The following SCRIB variants were observed in gnomAD, a reference collection of about 807,000 sequenced individuals.
SCRIB encodes protein scribble homolog.
SCRIB carries 72 observed loss-of-function variants against 170.0 expected under a neutral mutation model. The observed-to-expected ratio is 0.42, with a 90% CI of 0.35 to 0.52. The LOEUF (loss-of-function observed/expected upper bound fraction) is 0.52, where lower values mean the gene tolerates loss of function less well. Ranked by LOEUF, SCRIB falls within the 20% of genes least tolerant of loss-of-function variation. The probability of loss-of-function intolerance (pLI) is 0.02; values close to 1 mark genes in which losing one functional copy is unlikely to be tolerated. For missense variants in SCRIB, 2,475 were observed against 2,338.5 expected, an observed-to-expected ratio of 1.06 and a Z score of -1.20; for synonymous variants, 1,298 against 1,044.3, an observed-to-expected ratio of 1.24 and a Z score of -4.68.
Position 143,792,471 on chromosome 8 carries a change from G to A in SCRIB, c.4328+14C>T, listed in dbSNP as rs1554633100. On this transcript the variant is annotated intron_variant, in intron 31 of 36. Coordinates refer to ENST00000356994, the MANE Select transcript of SCRIB (RefSeq NM_182706.5). ...GTGGGGTGAGTAGGGGGCGTCTGGT[G>A]GGCGGGTGCTCACCTTGAGGTGGGG... The A allele has an allele frequency of 6.5e-7, 1 of 1,527,440 alleles. No individual in the cohort carries two copies. Among genetic ancestry groups the A allele is most frequent in the Admixed American group, 1.9e-5 (1 of 52,036 alleles). 94.6% of individuals were successfully genotyped at this position (1,527,440 alleles called of 1,614,324 possible).
chr8:143,804,256 C>T (rs1440190520), intron 21 of SCRIB, 100 bp from the exon 22 acceptor site: 16 of 904,882 alleles, frequency 1.8e-5, no homozygotes, highest in African/African-American at 6.7e-5. Context: ...GGATGGCGGG[C>T]GGGGGCTGCC....
intron 8 of SCRIB, 90 bp from the exon 9 acceptor site, chr8:143,812,474 C>G: frequency 1.1e-6 from 1 of 950,394 alleles, no homozygotes; most frequent in Admixed American, 1.7e-5. Flanking sequence ...AGGCAGACAG[C>G]AAGGCCCCCA....
rs1563785658 is a variant in SCRIB, at chr8:143,791,622, C to G, written c.4770+44G>C. On this transcript the variant is annotated intron_variant, in intron 35 of 36. Coordinates refer to ENST00000356994, the MANE Select transcript of SCRIB (RefSeq NM_182706.5). ...GGGAGCGGATGGGGGCGGTGGCAGG[C>G]ACGGACAGGGTGGCAGGCATGCAGA... 1.9e-6 allele frequency: 3 copies of G among 1,550,190 alleles called. No individual in the cohort carries two copies. In the South Asian group the frequency reaches 3.3e-5, roughly 17 times the overall value.
At chr8:143,796,989 G>A (rs1554634214) in intron 24 of SCRIB, among the ~76,000 whole-genome samples, 1 of 152,188 alleles carries the variant, frequency 6.6e-6, no homozygotes, top group Admixed American at 6.5e-5. Flanking sequence ...CTGGCCCCCA[G>A]GAGGTCCCGA....
In SCRIB at chr8:143,793,010, G is replaced by C; in HGVS notation, c.3983C>G (p.Pro1328Arg). 6.6e-7 allele frequency: 1 copy of C among 1,516,176 alleles called. No individual in the cohort carries two copies. The allele number at this position is 1,516,176 out of a possible 1,614,324, so 93.9% of individuals were successfully genotyped here. A position where few individuals can be genotyped will look rare whatever the true frequency, so the allele number is the denominator to read the frequency against. The change falls in exon 29 of 37, where the codon CCC (proline) becomes CGC (arginine). Residue 1328 changes from proline (P) to arginine (R), a missense_variant. Physicochemically the swap from Pro to Arg is moderately radical, Grantham distance 103 (BLOSUM62 -2). Transcript: ENST00000356994. ...GGCATCCTCAGGCGGGTGAGAAGTG[G>C]GCACGGCCGCGAAGGCCCTGTAGGC... ...KQAYRAFAAV[P>R]TSHPPEDAPA...
At position 143,814,086 on chromosome 8, in the gene SCRIB, C is replaced by A. The variant is rs1815896325; in HGVS notation, c.192G>T (p.Leu64=). 5.1e-6 allele frequency: 8 copies of A among 1,554,916 alleles called. No individual in the cohort carries two copies. Among genetic ancestry groups the A allele is most frequent in the Non-Finnish European group, 7.0e-6 (8 of 1,148,780 alleles). The part of the protein sequence containing the change: ...PFFRLLNLRK[L]GLSDNEIQRL... The stretch of plus-strand genomic sequence containing the variant: ...GCTGGATCTCGTTGTCGCTCAGGCC[C>A]AGCTTGCGCAAGTTCAGCAGCCGGA... Residue 64 remains leucine (L), a synonymous_variant, in exon 2 of 37, where the codon CTG becomes CTT. Transcript: ENST00000356994.
At position 143,799,289 on chromosome 8, in the gene SCRIB, G is replaced by A. The variant is rs143918831; in HGVS notation, c.3604-3759C>T. 2.0e-4 allele frequency among the ~76,000 whole-genome samples: 31 copies of A among 152,288 alleles called. No individual in the cohort carries two copies. In the East Asian group the frequency reaches 3.5e-3, roughly 17 times the overall value. ...AGGATTCTTCCTGAGAGCGTAAATCGAGGAAATGCCAAAAGAAAGGGCAGT... is the reference window on the plus strand; with the variant it reads ...AGGATTCTTCCTGAGAGCGTAAATCAAGGAAATGCCAAAAGAAAGGGCAGT... On this transcript the variant is annotated intron_variant, in intron 24 of 36. Coordinates refer to ENST00000356994, the MANE Select transcript of SCRIB (RefSeq NM_182706.5).
chr8:143,804,146 A>C lies in SCRIB; in HGVS notation c.3020T>G (p.Leu1007Arg). ...CCCCAGAGGGCCCCCAGCTCTTGGC[A>C]GACGGATCTCCTGGGGATTTAGGGC... is the stretch of plus-strand genomic sequence containing the variant. ...EGPYPVEEIR[L>R]PRAGGPLGLS... Residue 1007 changes from leucine to arginine, a missense_variant, in exon 22 of 37, where the codon CTG becomes CGG. Around this residue, in one of 3 missense-constraint regions of SCRIB, gnomAD observed 1,966 missense variants for 1,742.9 expected, o/e 1.13. Coordinates refer to ENST00000356994, the MANE Select transcript of SCRIB (RefSeq NM_182706.5). 2 of 1,609,088 alleles carry C rather than the reference A, an allele frequency of 1.2e-6. No individual in the cohort carries two copies. Among genetic ancestry groups the C allele is most frequent in the East Asian group, 4.5e-5 (2 of 44,766 alleles).
intron 15 of SCRIB, among the ~76,000 whole-genome samples, 165 bp from the exon 16 acceptor site, chr8:143,807,779 A>G (rs918220019): frequency 6.6e-6 from 1 of 152,014 alleles, no homozygotes; most frequent in East Asian, 1.9e-4. Context: ...GAGTGACACC[A>G]CACACCTGGG....
intron 13 of SCRIB, 105 bp downstream of exon 13, chr8:143,810,374 C>T: frequency 6.7e-7 from 1 of 1,483,370 alleles, no homozygotes; most frequent in Non-Finnish European, 9.1e-7. Flanking sequence ...TCTCCTGCTC[C>T]TTCTCTGTGC....
rs759471034 is a variant in SCRIB, at chr8:143,813,102, T to C, written c.570A>G (p.Pro190=). The change falls in exon 7 of 37, where the codon CCA becomes CCG. Residue 190 remains proline (P), a splice_region_variant and synonymous_variant. Transcript: ENST00000356994. ...DLGGNDLEVL[P]DTLGALPNLR... is the part of the protein sequence containing the mutation. ...GATTGGGCAGAGCCCCCAGAGTGTCTGGCTGCAAGAAGGAACAGAGAAAAT... is the reference window on the plus strand; with the variant it reads ...GATTGGGCAGAGCCCCCAGAGTGTCCGGCTGCAAGAAGGAACAGAGAAAAT... 9 of 1,575,780 alleles carry C rather than the reference T, an allele frequency of 5.7e-6. No individual in the cohort carries two copies. The Admixed American group carries it at 1.7e-4, about 29-fold the overall frequency.
chr8:143,805,060 T>C lies in SCRIB; in HGVS notation c.2671-46A>G, dbSNP rs782397083. On this transcript the variant is annotated intron_variant, in intron 19 of 36. Coordinates refer to ENST00000356994, the MANE Select transcript of SCRIB (RefSeq NM_182706.5). Reference sequence around the variant, plus strand: ...GGCAGGGCTGCCGGTGAGGCTGGAGTGCGGCTGTCAGCTCTAGAGCAGCCC... The same window carrying C: ...GGCAGGGCTGCCGGTGAGGCTGGAGCGCGGCTGTCAGCTCTAGAGCAGCCC... 5.1e-6 allele frequency: 8 copies of C among 1,580,904 alleles called. No individual in the cohort carries two copies. In the African/African-American group the frequency reaches 8.1e-5, roughly 16 times the overall value.
intron 24 of SCRIB, among the ~76,000 whole-genome samples, chr8:143,798,797 C>T (rs781924986): frequency 6.6e-6 from 1 of 152,072 alleles, no homozygotes; most frequent in Non-Finnish European, 1.5e-5. Flanking sequence ...GTGCCTGAGT[C>T]CTGAGCACGC....
chr8:143,793,443 G>C (rs1055325385), intron 28 of SCRIB: 12 of 305,940 alleles, frequency 3.9e-5, no homozygotes, highest in Non-Finnish European at 6.7e-5. Context: ...CAGAGAGAGA[G>C]AGACCGACCA....
intron 8 of SCRIB, 111 bp from the exon 9 acceptor site, chr8:143,812,495 C>T: frequency 1.2e-6 from 1 of 854,092 alleles, no homozygotes; most frequent in Non-Finnish European, 2.0e-6. Flanking sequence ...GCCCCTTCTG[C>T]CGCCGCCGTA....
intron 24 of SCRIB, among the ~76,000 whole-genome samples, chr8:143,796,074 G>A (rs546260247): frequency 2.6e-4 from 40 of 152,230 alleles, no homozygotes; most frequent in South Asian, 6.2e-4. Context: ...CGGAGGGGGC[G>A]TCTAGAAAGG....
At chr8:143,809,864 T>G in intron 13 of SCRIB, 146 bp from the exon 14 acceptor site, 9 of 901,634 alleles carry the variant, frequency 1.0e-5, no homozygotes, top group Non-Finnish European at 1.3e-5. Context: ...TCGCAGCTGC[T>G]CCCTGTCCCA....
chr8:143,799,063 C>A (rs1815065498), intron 24 of SCRIB, among the ~76,000 whole-genome samples: 1 of 152,206 alleles, frequency 6.6e-6, no homozygotes, highest in East Asian at 1.9e-4. Context: ...AACAGAAAGA[C>A]ACCTCAGGAA....
At position 143,804,095 on chromosome 8, in the gene SCRIB, T is replaced by C. The variant is rs1815299544; in HGVS notation, c.3071A>G (p.His1024Arg). 6.2e-7 allele frequency: 1 copy of C among 1,612,792 alleles called. No individual in the cohort carries two copies. Among genetic ancestry groups the C allele is most frequent in the Non-Finnish European group, 8.5e-7 (1 of 1,179,426 alleles). The change falls in exon 22 of 37, where the codon CAT becomes CGT. Residue 1024 changes from histidine (H) to arginine (R), a missense_variant. Physicochemically the swap from His to Arg is conservative, Grantham distance 29 (BLOSUM62 0). Transcript: ENST00000356994. ...LGLSIVGGSD[H>R]SSHPFGVQEP... ...CTGGACACCAAACGGGTGGCTGGAATGGTCGGAGCCTCCGACAATACTAAG... is the reference window on the plus strand; with the variant it reads ...CTGGACACCAAACGGGTGGCTGGAACGGTCGGAGCCTCCGACAATACTAAG...
Sources: gnomAD v4.1 joint callset for allele counts (sites outside exome capture counted in the v4.1 genomes callset) on GRCh38, gnomAD v4.1.1 for gene constraint, gnomAD v4.1.1 regional missense constraint, MANE v1.5 for transcripts, NCBI Gene and HGNC (gene_info 2026-07-23, HGNC 2026-07-21) for gene names.